The following NDUFB11 variants were observed in gnomAD, a reference collection of about 807,000 sequenced individuals.
NDUFB11 encodes NADH dehydrogenase [ubiquinone] 1 beta subcomplex subunit 11, mitochondrial.
For missense variants in NDUFB11, 108 were observed against 133.8 expected, an observed-to-expected ratio of 0.81 and a Z score of 0.95; for synonymous variants, 51 against 57.4, an observed-to-expected ratio of 0.89 and a Z score of 0.51.
chrX:47,144,445 T>TGGCCCCCCCCCCC, intron 1 of NDUFB11, 28 bp downstream of exon 1: 1 of 61,005 alleles, frequency 1.6e-5, no homozygotes, highest in East Asian at 8.4e-4. Context: ...CCGTCCCCAC[T>TGGCCCCCCCCCCC]ACCCCCCCCC....
At chrX:47,142,862 G>A (rs1931823059) in intron 1 of NDUFB11, 118 bp from the exon 2 acceptor site, 2 of 861,505 alleles carry the variant, frequency 2.3e-6, no homozygotes, top group Admixed American at 3.2e-5. Flanking sequence ...TCCATTCTTG[G>A]GATATGTCAA....
upstream of NDUFB11, chrX:47,145,392 G>GC: frequency 9.0e-7 from 1 of 1,115,873 alleles, no homozygotes; most frequent in Non-Finnish European, 1.2e-6. Context: ...GTTGTTGCGC[G>GC]CTCCGGCTCC....
upstream of NDUFB11, chrX:47,145,092 T>C: frequency 3.1e-6 from 1 of 324,265 alleles, no homozygotes; most frequent in Non-Finnish European, 5.4e-6. Context: ...TAGCTACTCC[T>C]TTTCTCCACT....
At chrX:47,144,163 A>G (rs1437586084) in intron 1 of NDUFB11, among the ~76,000 whole-genome samples, 1 of 109,029 alleles carries the variant, frequency 9.2e-6, no homozygotes, top group Non-Finnish European at 1.9e-5. Flanking sequence ...GGCAACGAGC[A>G]AGTGCCATAT....
chrX:47,144,462 C>T lies in NDUFB11; in HGVS notation c.207+11G>A. 3 of 458,455 alleles carry T rather than the reference C, an allele frequency of 6.5e-6. No homozygotes were observed. Among genetic ancestry groups the T allele is most frequent in the South Asian group, 1.0e-4 (1 of 9,667 alleles). The allele number at this position is 458,455 out of a possible 1,213,427, so 37.8% of individuals were successfully genotyped here. A position where few individuals can be genotyped will look rare whatever the true frequency, so the allele number is the denominator to read the frequency against. ...GTCCCCACTACCCCCCCCCCCCCCC[C>T]CGCCTCTCACCTTCTCATACAAGTT... On this transcript the variant is annotated intron_variant, in intron 1 of 2. Transcript: ENST00000377811.
chrX:47,145,251 C>G, upstream of NDUFB11: 1 of 484,441 alleles, frequency 2.1e-6, no homozygotes, highest in Admixed American at 3.0e-5. Context: ...AGCGCCGACT[C>G]CCTTCTCGTC....
chrX:47,142,878 T>G, intron 1 of NDUFB11, 134 bp from the exon 2 acceptor site: 2 of 724,730 alleles, frequency 2.8e-6, no homozygotes, highest in South Asian at 5.9e-5. Flanking sequence ...GTCAAGCTCC[T>G]TCCCACTGCA....
upstream of NDUFB11, chrX:47,145,464 C>T (rs1932028305): frequency 1.7e-6 from 2 of 1,153,850 alleles, no homozygotes; most frequent in Non-Finnish European, 2.3e-6. Flanking sequence ...GGAGCCCTTC[C>T]TTGACAGCCC....
At chrX:47,142,504 A>G (rs1931810695) in intron 2 of NDUFB11, 64 bp from the exon 3 acceptor site, 1 of 1,202,244 alleles carries the variant, frequency 8.3e-7, no homozygotes, top group Non-Finnish European at 1.1e-6. Flanking sequence ...CCCTCATCTC[A>G]GCTCCCCATT....
intron 1 of NDUFB11, 67 bp downstream of exon 1, chrX:47,144,406 G>T: frequency 1.3e-6 from 1 of 789,219 alleles, no homozygotes; most frequent in Non-Finnish European, 1.7e-6. Flanking sequence ...CGCCCCATCT[G>T]CCGATCCCGG....
upstream of NDUFB11, chrX:47,145,287 G>T (rs1932009502): frequency 5.3e-6 from 3 of 568,605 alleles, no homozygotes; most frequent in Non-Finnish European, 8.8e-6. Flanking sequence ...TGGTGACTGT[G>T]GCCGGCTGGG....
chrX:47,143,120 T>C (rs1262757781), intron 1 of NDUFB11, among the ~76,000 whole-genome samples: 1 of 112,359 alleles, frequency 8.9e-6, no homozygotes, highest in Non-Finnish European at 1.9e-5. Flanking sequence ...AATAGCCCCC[T>C]ACACCCAAGT....
chrX:47,144,533 T>C lies in NDUFB11; in HGVS notation c.147A>G (p.Pro49=). Residue 49 remains proline, a synonymous_variant, in exon 1 of 3, where the codon CCA becomes CCG. Coordinates refer to ENST00000377811, the MANE Select transcript of NDUFB11 (RefSeq NM_001135998.3). ...CCTCTTGCCACGGTGTGGTCGGTTCTGGGGGCCGCTTTCCCGCCACAGCGG... is the reference window on the plus strand; with the variant it reads ...CCTCTTGCCACGGTGTGGTCGGTTCCGGGGGCCGCTTTCCCGCCACAGCGG... ...APSAVAGKRP[P]EPTTPWQEDP... The C allele has an allele frequency of 1.9e-6, 2 of 1,073,236 alleles. No homozygotes were observed. The highest frequency in any genetic ancestry group is 1.2e-6 in the Non-Finnish European group (1 of 810,239). 88.4% of individuals were successfully genotyped at this position (1,073,236 alleles called of 1,213,427 possible).
intron 1 of NDUFB11, among the ~76,000 whole-genome samples, chrX:47,143,281 T>C (rs781965305): frequency 8.9e-6 from 1 of 112,474 alleles, no homozygotes; most frequent in African/African-American, 3.2e-5. Context: ...TACTACTTTG[T>C]ATTATTGTTT....
In NDUFB11 at chrX:47,142,606, C is replaced by A; in HGVS notation, c.338+8G>T. 1 of 1,211,717 alleles carries A rather than the reference C, an allele frequency of 8.3e-7. No homozygotes were observed. The highest frequency in any genetic ancestry group is 1.1e-6 in the Non-Finnish European group (1 of 895,479). On this transcript the variant is annotated splice_region_variant and intron_variant, in intron 2 of 2. Coordinates refer to ENST00000377811, the MANE Select transcript of NDUFB11 (RefSeq NM_001135998.3). ...TACCCATCCCACGCTCTTGGACACC[C>A]TGTGCACCTGTAGTCAGGCAGATAG... is the stretch of plus-strand genomic sequence containing the variant.
chrX:47,145,205 C>G (rs782425981), upstream of NDUFB11: 45 of 435,194 alleles, frequency 1.0e-4, no homozygotes, highest in Non-Finnish European at 1.8e-4. Context: ...CGGGGCCGGC[C>G]AGAGCGCGCT....
At position 47,144,368 on chromosome X, in the gene NDUFB11, C is replaced by T; in HGVS notation, c.207+105G>A. The T allele has an allele frequency of 4.8e-6, 3 of 622,637 alleles. 1 individual carries two copies. Among genetic ancestry groups the T allele is most frequent in the Non-Finnish European group, 6.7e-6 (3 of 448,422 alleles). 51.3% of individuals were successfully genotyped at this position (622,637 alleles called of 1,213,427 possible). A position where few individuals can be genotyped will look rare whatever the true frequency, so the allele number is the denominator to read the frequency against. On this transcript the variant is annotated intron_variant, in intron 1 of 2. Transcript: ENST00000377811. Reference sequence around the variant, plus strand: ...CTAGGCTTTCGCCGGCCGCGCAGTCCTCTACTGCCTAAGAACGTCCTCTAC... The same window carrying T: ...CTAGGCTTTCGCCGGCCGCGCAGTCTTCTACTGCCTAAGAACGTCCTCTAC...
chrX:47,145,146 C>T, upstream of NDUFB11: 2 of 387,185 alleles, frequency 5.2e-6, no homozygotes, highest in Admixed American at 4.3e-5. Context: ...CCAGCGCTTG[C>T]CAATCAGAGG....
chrX:47,143,262 T>C (rs1458086262), intron 1 of NDUFB11, among the ~76,000 whole-genome samples: 1 of 112,377 alleles, frequency 8.9e-6, no homozygotes. Context: ...CATGTTATAT[T>C]ATCTATTATA....
Sources: gnomAD v4.1 joint callset for allele counts (sites outside exome capture counted in the v4.1 genomes callset) on GRCh38, gnomAD v4.1.1 for gene constraint, MANE v1.5 for transcripts, NCBI Gene and HGNC (gene_info 2026-07-23, HGNC 2026-07-21) for gene names.